FSTL1: variants seen among roughly 807,000 people sequenced by gnomAD.
The protein encoded by FSTL1 is follistatin like 1, also known as follistatin-related protein 1.
Under a neutral mutation model 45.9 loss-of-function variants are expected in FSTL1, and 24 were observed. The observed-to-expected ratio is 0.52, with a 90% CI of 0.38 to 0.74. The LOEUF is 0.74. FSTL1 is among the 30% of genes least tolerant of loss of function. FSTL1 has a pLI of 0.00. For synonymous variants in FSTL1, 120 were observed against 137.6 expected, an observed-to-expected ratio of 0.87 and a Z score of 0.89; for missense variants, 340 against 381.8, an observed-to-expected ratio of 0.89 and a Z score of 0.91.
At chr3:120,409,684 C>T in intron 5 of FSTL1, 22 bp from the exon 6 acceptor site, 1 of 1,612,756 alleles carries the variant, frequency 6.2e-7, no homozygotes, top group Non-Finnish European at 8.5e-7. Flanking sequence ...TGGAGGATGT[C>T]AGCTGGAGCA....
In FSTL1 at chr3:120,394,730, A is replaced by G. The variant is rs1423476799; in HGVS notation, c.*2222T>C. On this transcript the variant is annotated 3_prime_UTR_variant, in exon 11 of 11. Coordinates refer to ENST00000295633, the MANE Select transcript of FSTL1 (RefSeq NM_007085.5). The stretch of plus-strand genomic sequence containing the variant: ...TGCAAAACTTTATGGAAGACTCCCC[A>G]GACTAGGCTATTTAGCAGCTTCCAT... 6.6e-6 allele frequency: 1 copy of G among 152,238 alleles called. No individual in the cohort carries two copies. The highest frequency in any genetic ancestry group is 1.5e-5 in the Non-Finnish European group (1 of 68,046). The allele number at this position is 152,238 out of a possible 1,614,324, so 9.4% of individuals were successfully genotyped here. A position where few individuals can be genotyped will look rare whatever the true frequency, so the allele number is the denominator to read the frequency against.
At position 120,443,906 on chromosome 3, in the gene FSTL1, A is replaced by G. The variant is rs979772025; in HGVS notation, c.63+6778T>C. 5.3e-5 allele frequency among the ~76,000 whole-genome samples: 8 copies of G among 150,066 alleles called. 2 individuals are homozygous for G. Among genetic ancestry groups the G allele is most frequent in the African/African-American group, 2.0e-4 (8 of 39,386 alleles). On this transcript the variant is annotated intron_variant, in intron 2 of 10. Coordinates refer to ENST00000295633, the MANE Select transcript of FSTL1 (RefSeq NM_007085.5). ...ATTATTTTGTACTCCAACTACCCAA[A>G]GAGCATTCTATTAGCAAGTTATTGC...
chr3:120,413,664 CAG>C (rs1229444257), intron 3 of FSTL1, among the ~76,000 whole-genome samples: 2 of 151,856 alleles, frequency 1.3e-5, no homozygotes, highest in Non-Finnish European at 1.5e-5. Context: ...TGACAGAAAA[CAG>C]AATGTCCAAG....
At chr3:120,429,584 G>T (rs1937442573) in intron 2 of FSTL1, among the ~76,000 whole-genome samples, 2 of 152,070 alleles carry the variant, frequency 1.3e-5, no homozygotes, top group South Asian at 4.1e-4. Flanking sequence ...ATAAATTTTG[G>T]GACTGGATTT....
At chr3:120,416,730 C>T (rs1247722237) in intron 2 of FSTL1, among the ~76,000 whole-genome samples, 1 of 152,200 alleles carries the variant, frequency 6.6e-6, no homozygotes, top group Non-Finnish European at 1.5e-5. Context: ...AGCCCCTACC[C>T]ATGTCTGCCA....
intron 2 of FSTL1, among the ~76,000 whole-genome samples, chr3:120,435,660 GAA>G (rs1392239530): frequency 1.3e-5 from 2 of 152,198 alleles, no homozygotes; most frequent in African/African-American, 2.4e-5. Context: ...CCTAGGCAGA[GAA>G]AAGACTTTTT....
At chr3:120,403,169 C>G in intron 8 of FSTL1, 73 bp downstream of exon 8, 1 of 880,840 alleles carries the variant, frequency 1.1e-6, no homozygotes, top group Non-Finnish European at 1.9e-6. Flanking sequence ...AGAGTTCCAC[C>G]AATCCTCTCT....
chr3:120,434,765 C>T (rs1337094921), intron 2 of FSTL1, among the ~76,000 whole-genome samples: 3 of 152,190 alleles, frequency 2.0e-5, no homozygotes, highest in Non-Finnish European at 4.4e-5. Flanking sequence ...CAAGCCATAA[C>T]AACAAGGAGA....
chr3:120,442,611 C>T lies in FSTL1; in HGVS notation c.63+8073G>A, dbSNP rs890446617. Among the ~76,000 whole-genome samples the T allele has an allele frequency of 2.0e-5, 3 of 151,680 alleles. No individual in the cohort carries two copies. In the South Asian group the frequency reaches 6.3e-4, roughly 32 times the overall value. On this transcript the variant is annotated intron_variant, in intron 2 of 10. Transcript: ENST00000295633. Reference sequence around the variant, plus strand: ...CCTGGCCAACTAGGTGAAACCCCATCTCTACTAAAAACACAAAAATTAGCC... The same window carrying T: ...CCTGGCCAACTAGGTGAAACCCCATTTCTACTAAAAACACAAAAATTAGCC...
chr3:120,397,019 G>A, intron 10 of FSTL1, 23 bp from the exon 11 acceptor site: 1 of 1,586,150 alleles, frequency 6.3e-7, no homozygotes, highest in Non-Finnish European at 8.7e-7. Flanking sequence ...AGAGAAAATA[G>A]GCGTCATGGA....
At chr3:120,423,738 C>T (rs1937326276) in intron 2 of FSTL1, 1 of 152,156 alleles carries the variant, frequency 6.6e-6, no homozygotes, top group African/African-American at 2.4e-5. Context: ...TTTCGGGCTC[C>T]CCATTATGAA....
At position 120,412,838 on chromosome 3, in the gene FSTL1, G is replaced by GCGCGCACACACACA. The variant is rs1429168694; in HGVS notation, c.169-856_169-855insTGTGTGTGTGCGCG. On this transcript the variant is annotated intron_variant, in intron 3 of 10. Coordinates refer to ENST00000295633, the MANE Select transcript of FSTL1 (RefSeq NM_007085.5). ...CACATGTGCGCGCGCGCGCGCGCGC[G>GCGCGCACACACACA]CACACACACACACACACACACACAC... is the stretch of plus-strand genomic sequence containing the variant. Among the ~76,000 whole-genome samples, 9 of 106,190 alleles carry GCGCGCACACACACA rather than the reference G, an allele frequency of 8.5e-5. No homozygotes were observed. The East Asian group carries it at 1.5e-3, about 18-fold the overall frequency. The allele number at this position is 106,190 out of a possible 152,430, so 69.7% of individuals were successfully genotyped here.
chr3:120,404,241 G>T (rs1336021583), intron 7 of FSTL1, among the ~76,000 whole-genome samples: 2 of 152,076 alleles, frequency 1.3e-5, no homozygotes. Flanking sequence ...ATACTTTAAG[G>T]TCATAGACTA....
intron 2 of FSTL1, among the ~76,000 whole-genome samples, chr3:120,442,795 A>G (rs1365456798): frequency 2.7e-5 from 4 of 148,748 alleles, no homozygotes; most frequent in East Asian, 3.9e-4. Context: ...AAAGAAAAAA[A>G]AAAAAAAAAA....
intron 2 of FSTL1, among the ~76,000 whole-genome samples, chr3:120,444,726 G>T (rs1171283839): frequency 1.3e-5 from 2 of 149,918 alleles, no homozygotes; most frequent in Admixed American, 6.6e-5. Flanking sequence ...ATATAGAAAA[G>T]ACTAGAGCAA....
intron 2 of FSTL1, among the ~76,000 whole-genome samples, chr3:120,445,469 C>G (rs1296235890): frequency 6.7e-6 from 1 of 148,802 alleles, no homozygotes; most frequent in African/African-American, 2.6e-5. Context: ...CTAGATCATC[C>G]CTATCCCTCA....
intron 3 of FSTL1, 27 bp downstream of exon 3, chr3:120,415,896 C>G: frequency 6.9e-7 from 1 of 1,445,516 alleles, no homozygotes; most frequent in Non-Finnish European, 9.7e-7. Flanking sequence ...TGGCCACTGT[C>G]CTCTGGCTCC....
chr3:120,446,368 G>A (rs1454357778), intron 2 of FSTL1, among the ~76,000 whole-genome samples: 2 of 152,210 alleles, frequency 1.3e-5, no homozygotes, highest in Non-Finnish European at 2.9e-5. Flanking sequence ...CCTGGGGATG[G>A]AGTCCTGGTT....
At chr3:120,442,114 C>T (rs1429638262) in intron 2 of FSTL1, among the ~76,000 whole-genome samples, 2 of 152,182 alleles carry the variant, frequency 1.3e-5, no homozygotes, top group Non-Finnish European at 2.9e-5. Context: ...AAAACATAAG[C>T]GACCCTTCAT....
Sources: gnomAD v4.1 joint callset for allele counts (sites outside exome capture counted in the v4.1 genomes callset) on GRCh38, gnomAD v4.1.1 for gene constraint, MANE v1.5 for transcripts, NCBI Gene and HGNC (gene_info 2026-07-23, HGNC 2026-07-21) for gene names.